The following SLC39A10 variants were observed in gnomAD, a reference collection of about 807,000 sequenced individuals.
SLC39A10 encodes zinc transporter ZIP10.
Under a neutral mutation model 65.1 loss-of-function variants are expected in SLC39A10, and 13 were observed. The ratio of observed to expected loss-of-function variants is 0.20; its 90% CI spans 0.13 to 0.32. The LOEUF (loss-of-function observed/expected upper bound fraction) is 0.32. Among genes scored for constraint, SLC39A10 ranks in the 10% least tolerant of loss-of-function variants. SLC39A10 has a pLI of 1.00. For missense variants in SLC39A10, 831 were observed against 1,018.4 expected, an observed-to-expected ratio of 0.82 and a Z score of 2.50; for synonymous variants, 321 against 342.2, an observed-to-expected ratio of 0.94 and a Z score of 0.68.
intron 5 of SLC39A10, among the ~76,000 whole-genome samples, chr2:195,711,338 A>G (rs562314554): frequency 3.9e-5 from 6 of 152,280 alleles, no homozygotes; most frequent in African/African-American, 1.4e-4. Flanking sequence ...GTGCTTATAC[A>G]TTTATTTTTG....
chr2:195,729,656 C>A (rs556303986), intron 9 of SLC39A10, among the ~76,000 whole-genome samples: 2 of 152,280 alleles, frequency 1.3e-5, no homozygotes, highest in African/African-American at 2.4e-5. Context: ...CCATTTCCCC[C>A]CTTCTGCTGG....
At chr2:195,643,270 A>G (rs1034821158) in intron 2 of SLC39A10, among the ~76,000 whole-genome samples, 1 of 152,200 alleles carries the variant, frequency 6.6e-6, no homozygotes, top group Admixed American at 6.5e-5. Context: ...GCTGCAATAG[A>G]TGAGTTGAAC....
chr2:195,700,144 A>G (rs1381028486), intron 3 of SLC39A10, among the ~76,000 whole-genome samples: 1 of 152,116 alleles, frequency 6.6e-6, no homozygotes, highest in Non-Finnish European at 1.5e-5. Context: ...TATAACACAT[A>G]GTTGACTCAT....
intron 3 of SLC39A10, among the ~76,000 whole-genome samples, chr2:195,693,481 C>T (rs542284126): frequency 3.3e-5 from 5 of 151,666 alleles, no homozygotes; most frequent in South Asian, 4.2e-4. Context: ...GTTTCAATCT[C>T]GCTGCTTGTT....
intron 2 of SLC39A10, among the ~76,000 whole-genome samples, chr2:195,629,745 T>G (rs1489834178): frequency 2.0e-5 from 3 of 152,300 alleles, no homozygotes; most frequent in East Asian, 3.9e-4. Flanking sequence ...ATCAATAACT[T>G]TCTTTTAAGA....
chr2:195,620,692 CG>C (rs1429828100), intron 2 of SLC39A10, among the ~76,000 whole-genome samples: 3 of 152,164 alleles, frequency 2.0e-5, no homozygotes, highest in Non-Finnish European at 4.4e-5. Flanking sequence ...ACACTGTCAG[CG>C]CCCCTTCAAG....
chr2:195,650,131 A>T (rs923202375), intron 2 of SLC39A10, among the ~76,000 whole-genome samples: 20 of 151,964 alleles, frequency 1.3e-4, no homozygotes, highest in Non-Finnish European at 2.2e-4. Context: ...AAATACAAAA[A>T]ATTAGCCGGG....
At chr2:195,628,268 G>T (rs541829888) in intron 2 of SLC39A10, among the ~76,000 whole-genome samples, 12 of 152,188 alleles carry the variant, frequency 7.9e-5, no homozygotes, top group Non-Finnish European at 1.8e-4. Context: ...TTGCTCCATG[G>T]AGAGTGAAAC....
rs772378519 is a variant in SLC39A10, at chr2:195,680,678, A to G, written c.636A>G (p.Glu212=). The part of the protein sequence containing the change: ...TPSERGEPSN[E]PSTETNKTQE... ...GTGAGCGTGGGGAGCCTAGCAATGA[A>G]CCTTCAACAGAGACCAATAAAACCC... The change falls in exon 2 of 10, where the codon GAA becomes GAG. Residue 212 remains glutamate (E), a synonymous_variant. Transcript: ENST00000359634. 5 of 1,614,098 alleles carry G rather than the reference A, an allele frequency of 3.1e-6. No homozygotes were observed. In the South Asian group the frequency reaches 5.5e-5, roughly 18 times the overall value.
chr2:195,672,003 T>C (rs1689879430), intron 1 of SLC39A10, among the ~76,000 whole-genome samples: 1 of 152,102 alleles, frequency 6.6e-6, no homozygotes, highest in African/African-American at 2.4e-5. Context: ...GGAGTAGTCA[T>C]CTTCAACTGT....
chr2:195,733,776 C>T (rs919942333), intron 9 of SLC39A10, among the ~76,000 whole-genome samples: 9 of 152,206 alleles, frequency 5.9e-5, no homozygotes, highest in South Asian at 2.1e-4. Context: ...TTGATCTGCC[C>T]GCCTCGGCCT....
At chr2:195,673,991 G>A (rs1282972995) in intron 1 of SLC39A10, among the ~76,000 whole-genome samples, 1 of 152,082 alleles carries the variant, frequency 6.6e-6, no homozygotes, top group Non-Finnish European at 1.5e-5. Context: ...AGAAGATAAT[G>A]ACTCCAGAAT....
chr2:195,616,239 G>A (rs2105681080), intron 2 of SLC39A10, among the ~76,000 whole-genome samples: 1 of 152,270 alleles, frequency 6.6e-6, no homozygotes, highest in Non-Finnish European at 1.5e-5. Flanking sequence ...ACAGGCGTGA[G>A]CCACCGTGCC....
At chr2:195,641,293 G>A (rs1688807119) in intron 2 of SLC39A10, among the ~76,000 whole-genome samples, 1 of 152,200 alleles carries the variant, frequency 6.6e-6, no homozygotes, top group African/African-American at 2.4e-5. Flanking sequence ...GGGTGCCGAG[G>A]AGATGAGGCA....
chr2:195,657,542 C>G lies in SLC39A10; in HGVS notation c.-12+261C>G, dbSNP rs1413799889. 3 of 983,504 alleles carry G rather than the reference C, an allele frequency of 3.1e-6. No homozygotes were observed. The African/African-American group carries it at 5.2e-5, about 17-fold the overall frequency. The allele number at this position is 983,504 out of a possible 1,614,324, so 60.9% of individuals were successfully genotyped here. On this transcript the variant is annotated intron_variant, in intron 1 of 9. Coordinates refer to ENST00000359634, the MANE Select transcript of SLC39A10 (RefSeq NM_020342.3). ...GTGCGGTCTGGGCTGCTGCGGGCCG[C>G]GGGATCGGGAGCCGGCGGCATCCAC...
At chr2:195,621,328 A>G (rs1688343413) in intron 2 of SLC39A10, among the ~76,000 whole-genome samples, 1 of 152,248 alleles carries the variant, frequency 6.6e-6, no homozygotes, top group African/African-American at 2.4e-5. Context: ...TTTGGAAAGA[A>G]GGCTAACACA....
chr2:195,633,923 G>A (rs925061619), intron 2 of SLC39A10, among the ~76,000 whole-genome samples: 8 of 152,316 alleles, frequency 5.3e-5, no homozygotes, highest in Non-Finnish European at 8.8e-5. Context: ...CAGGCTTTTC[G>A]GCTTGAGGGT....
chr2:195,660,842 GATTA>G (rs1162530341), intron 1 of SLC39A10, among the ~76,000 whole-genome samples: 8 of 152,102 alleles, frequency 5.3e-5, no homozygotes, highest in East Asian at 1.9e-4. Flanking sequence ...CTACTTTCTA[GATTA>G]ATTTAGTTCC....
At chr2:195,682,296 C>T (rs1044703403) in intron 2 of SLC39A10, among the ~76,000 whole-genome samples, 3 of 152,090 alleles carry the variant, frequency 2.0e-5, no homozygotes, top group Non-Finnish European at 2.9e-5. Context: ...CTGTCACTGT[C>T]GTTGAGATAT....
Sources: allele counts gnomAD v4.1 joint callset (sites outside exome capture counted in the v4.1 genomes callset), GRCh38; gene constraint gnomAD v4.1.1; transcripts MANE v1.5; gene names NCBI Gene and HGNC (gene_info 2026-07-23, HGNC 2026-07-21).